Variants in PDCD6IP observed in about 807,000 individuals in gnomAD.
PDCD6IP encodes the protein programmed cell death 6-interacting protein.
Under a neutral mutation model 103.7 loss-of-function variants are expected in PDCD6IP, and 43 were observed. The observed-to-expected ratio is 0.41, with a 90% confidence interval of 0.32 to 0.53. PDCD6IP has a LOEUF of 0.53. Ranked by LOEUF, PDCD6IP falls within the 20% of genes least tolerant of loss-of-function variation. The pLI is 0.16. For missense variants in PDCD6IP, 871 were observed against 1,036.7 expected (o/e 0.84, Z 2.20); for synonymous variants, 354 against 378.7 (o/e 0.93, Z 0.76).
intron 4 of PDCD6IP, among the ~76,000 whole-genome samples, chr3:33,823,087 T>C (rs1015912982): frequency 1.3e-5 from 2 of 152,236 alleles, no homozygotes; most frequent in African/African-American, 4.8e-5. Flanking sequence ...AGTGTTTTCA[T>C]GTACATTATT....
Position 33,852,643 on chromosome 3 carries a change from T to C in PDCD6IP, c.1797T>C (p.Leu599=). ...AQDGVINEEA[L]SVTELDRVYG... ...ATGGTGTGATAAATGAAGAAGCTCT[T>C]TCTGTTACTGAACTAGATCGAGTCT... Residue 599 remains leucine (L), a synonymous_variant, in exon 13 of 18, where the codon CTT becomes CTC. Coordinates refer to ENST00000307296, the MANE Select transcript of PDCD6IP (RefSeq NM_013374.6). 1 of 1,600,588 alleles carries C rather than the reference T, an allele frequency of 6.2e-7. No individual in the cohort carries two copies. The highest frequency in any genetic ancestry group is 2.2e-5 in the East Asian group (1 of 44,768).
At chr3:33,821,336 C>T (rs904112834) in intron 3 of PDCD6IP, among the ~76,000 whole-genome samples, 3 of 152,042 alleles carry the variant, frequency 2.0e-5, no homozygotes, top group African/African-American at 7.2e-5. Context: ...GCCAACAGTA[C>T]AGGAAAGTTC....
At chr3:33,816,996 A>G (rs78905809) in intron 3 of PDCD6IP, among the ~76,000 whole-genome samples, 3,238 of 152,302 alleles carry the variant, frequency 0.021, 54 homozygotes, top group Non-Finnish European at 0.031. Context: ...TTGGTAATTA[A>G]ATGTCCTTCA....
At chr3:33,850,816 G>A (rs1300064562) in intron 12 of PDCD6IP, among the ~76,000 whole-genome samples, 1 of 151,952 alleles carries the variant, frequency 6.6e-6, no homozygotes, top group Non-Finnish European at 1.5e-5. Flanking sequence ...GTGGTTTGAT[G>A]CTTTCTAGAC....
chr3:33,848,285 G>C (rs180852106), intron 12 of PDCD6IP, among the ~76,000 whole-genome samples: 1 of 152,154 alleles, frequency 6.6e-6, no homozygotes, highest in Middle Eastern at 3.2e-3. Flanking sequence ...TTTAGTGTAG[G>C]GTAAATGTAT....
Position 33,828,960 on chromosome 3 carries a change from A to G in PDCD6IP, c.825A>G (p.Ala275=). Residue 275 remains alanine (A), a synonymous_variant, in exon 7 of 18, where the codon GCA becomes GCG. Coordinates refer to ENST00000307296, the MANE Select transcript of PDCD6IP (RefSeq NM_013374.6). The stretch of plus-strand genomic sequence containing the variant: ...AGAAGAAATTTGGAGAAGAAATTGC[A>G]AGGTTACAGGTGAGTCTCTTGGTAA... ...KQQKKFGEEI[A]RLQHAAELIK... 1.2e-6 allele frequency: 2 copies of G among 1,608,460 alleles called. No homozygotes were observed. Among genetic ancestry groups the G allele is most frequent in the Non-Finnish European group, 1.7e-6 (2 of 1,176,926 alleles).
chr3:33,801,213 T>C (rs1696469413), intron 1 of PDCD6IP, among the ~76,000 whole-genome samples: 1 of 152,212 alleles, frequency 6.6e-6, no homozygotes, highest in Non-Finnish European at 1.5e-5. Context: ...ATCAGTTGTG[T>C]GATGTTCATT....
intron 12 of PDCD6IP, among the ~76,000 whole-genome samples, chr3:33,851,159 A>C (rs1009564815): frequency 2.0e-5 from 3 of 152,110 alleles, no homozygotes; most frequent in Admixed American, 6.5e-5. Context: ...TTGGTAGGGG[A>C]ATCCATGGGA....
chr3:33,842,186 C>T, intron 10 of PDCD6IP, 112 bp downstream of exon 10: 2 of 658,222 alleles, frequency 3.0e-6, no homozygotes, highest in Non-Finnish European at 2.6e-6. Context: ...TAGTATTCAT[C>T]ACTTTGGTGA....
chr3:33,864,073 T>A lies in PDCD6IP; in HGVS notation c.2188T>A (p.Ser730Thr). Reference protein sequence around the residue: ...PSIPTPAYQSSPAGGHAPTPP... With the variant: ...PSIPTPAYQSTPAGGHAPTPP... ...AATTCCTACACCTGCGTATCAGTCCTCACCAGCAGGAGGACATGCACCAAC... is the reference window on the plus strand; with the variant it reads ...AATTCCTACACCTGCGTATCAGTCCACACCAGCAGGAGGACATGCACCAAC... Residue 730 changes from serine (S) to threonine (T), a missense_variant, in exon 16 of 18, where the codon TCA (serine) becomes ACA (threonine). Ser to Thr is a moderately conservative substitution (Grantham distance 58, BLOSUM62 1). Transcript: ENST00000307296. 1.9e-6 allele frequency: 3 copies of A among 1,614,078 alleles called. No individual in the cohort carries two copies. Among genetic ancestry groups the A allele is most frequent in the Admixed American group, 3.3e-5 (2 of 60,018 alleles).
In PDCD6IP at chr3:33,798,849, C is replaced by T. The variant is rs1364268939; in HGVS notation, c.121C>T (p.Arg41Cys). ...CGGGGAAGAGCAGGCCCAGTACTGC[C>T]GCGCGGCGGAGGAGCTCAGCAAGCT... ...SGGEEQAQYC[R>C]AAEELSKLRR... The change falls in exon 1 of 18, where the codon CGC becomes TGC. Residue 41 changes from arginine (R) to cysteine (C), a missense_variant. By Grantham distance (180) the Arg-to-Cys change is radical. Transcript: ENST00000307296. The T allele has an allele frequency of 3.2e-6, 5 of 1,554,704 alleles. No individual in the cohort carries two copies. Among genetic ancestry groups the T allele is most frequent in the Middle Eastern group, 1.7e-4 (1 of 5,914 alleles).
At chr3:33,818,399 C>T (rs565141226) in intron 3 of PDCD6IP, among the ~76,000 whole-genome samples, 6 of 151,728 alleles carry the variant, frequency 4.0e-5, no homozygotes, top group South Asian at 2.1e-4. Context: ...TGAGCCACCA[C>T]GCCTGGCTGA....
chr3:33,836,740 CT>C (rs1349810463), intron 8 of PDCD6IP, among the ~76,000 whole-genome samples: 1 of 150,808 alleles, frequency 6.6e-6, no homozygotes, highest in Non-Finnish European at 1.5e-5. Flanking sequence ...ATGCCTGTGG[CT>C]TTAGCTACTC....
In PDCD6IP at chr3:33,812,146, T is replaced by G. The variant is rs568959906; in HGVS notation, c.264+20T>G. 1.3e-6 allele frequency: 2 copies of G among 1,596,744 alleles called. No homozygotes were observed. The highest frequency in any genetic ancestry group is 3.5e-5 in the Admixed American group (2 of 57,422). On this transcript the variant is annotated intron_variant, in intron 2 of 17. Transcript: ENST00000307296. ...AATCAGGTAAGTCATTAATTCTGTC[T>G]TAAAATTATATGGTAATAGCACCCA...
Position 33,836,030 on chromosome 3 carries a change from G to A in PDCD6IP, c.835-14G>A, listed in dbSNP as rs1559786496. ...CCTCTTTTTTTTTTTTGTTGTTGAC[G>A]TTTTTCTTTTTAGCATGCAGCAGAA... is the stretch of plus-strand genomic sequence containing the variant. On this transcript the variant is annotated splice_polypyrimidine_tract_variant and intron_variant, in intron 7 of 17. Transcript: ENST00000307296. 8 of 1,363,668 alleles carry A rather than the reference G, an allele frequency of 5.9e-6. 1 individual carries two copies. Among genetic ancestry groups the A allele is most frequent in the Non-Finnish European group, 7.1e-6 (7 of 984,442 alleles). 84.5% of individuals were successfully genotyped at this position (1,363,668 alleles called of 1,614,324 possible).
At chr3:33,839,525 G>T (rs1459043402) in intron 9 of PDCD6IP, among the ~76,000 whole-genome samples, 1 of 151,964 alleles carries the variant, frequency 6.6e-6, no homozygotes, top group Non-Finnish European at 1.5e-5. Context: ...AGAGCAGTTT[G>T]TTAACTCTTT....
At chr3:33,843,271 G>A (rs1194826506) in intron 10 of PDCD6IP, among the ~76,000 whole-genome samples, 2 of 152,128 alleles carry the variant, frequency 1.3e-5, no homozygotes, top group East Asian at 3.8e-4. Flanking sequence ...CAGTTTGAGG[G>A]TGGAGAGTGC....
At chr3:33,859,376 T>C (rs1236793598) in intron 15 of PDCD6IP, among the ~76,000 whole-genome samples, 1 of 151,988 alleles carries the variant, frequency 6.6e-6, no homozygotes, top group Non-Finnish European at 1.5e-5. Context: ...AATAAGTTTC[T>C]CATAGAAATA....
intron 3 of PDCD6IP, among the ~76,000 whole-genome samples, chr3:33,821,176 A>ATTTTTTT (rs201181955): frequency 1.4e-5 from 2 of 144,278 alleles, no homozygotes; most frequent in Admixed American, 6.9e-5. Context: ...TTTAAAAACA[A>ATTTTTTT]TTTTTTTTTT....
Sources: gnomAD v4.1 joint callset for allele counts (sites outside exome capture counted in the v4.1 genomes callset) on GRCh38, gnomAD v4.1.1 for gene constraint, MANE v1.5 for transcripts, NCBI Gene and HGNC (gene_info 2026-07-23, HGNC 2026-07-21) for gene names.